The following EPS15 variants were observed in gnomAD, a reference collection of about 807,000 sequenced individuals.
EPS15 encodes the protein epidermal growth factor receptor substrate 15.
Under a neutral mutation model 113.8 loss-of-function variants are expected in EPS15, and 72 were observed. That is an observed-to-expected ratio of 0.63 (90% CI 0.52 to 0.77). The LOEUF (loss-of-function observed/expected upper bound fraction) is 0.77. Ranked by LOEUF, EPS15 falls within the 30% of genes least tolerant of loss-of-function variation. EPS15 has a pLI of 0.00. For synonymous variants in EPS15, 344 were observed against 363.4 expected, an observed-to-expected ratio of 0.95 and a Z score of 0.61; for missense variants, 1,048 against 1,045.8, an observed-to-expected ratio of 1.00 and a Z score of -0.03.
chr1:51,371,009 G>A (rs980140056), intron 21 of EPS15, among the ~76,000 whole-genome samples: 10 of 152,004 alleles, frequency 6.6e-5, no homozygotes, highest in African/African-American at 1.9e-4. Flanking sequence ...TCCACCTCCC[G>A]GGTTAAAGCG....
intron 12 of EPS15, among the ~76,000 whole-genome samples, chr1:51,427,621 G>T (rs1395971949): frequency 6.6e-6 from 1 of 152,160 alleles, no homozygotes. Flanking sequence ...CTGAAGGCAG[G>T]ATGATTAATT....
intron 8 of EPS15, among the ~76,000 whole-genome samples, chr1:51,454,786 T>C (rs1653852874): frequency 6.6e-6 from 1 of 152,190 alleles, no homozygotes; most frequent in Admixed American, 6.6e-5. Context: ...GAGTTAATAA[T>C]GCACCAATGT....
At chr1:51,368,560 T>C (rs1160178261) in intron 21 of EPS15, among the ~76,000 whole-genome samples, 1 of 152,092 alleles carries the variant, frequency 6.6e-6, no homozygotes, top group Non-Finnish European at 1.5e-5. Context: ...GGGTTTCCCT[T>C]CTTTCTGTCC....
intron 1 of EPS15, among the ~76,000 whole-genome samples, chr1:51,489,605 G>C (rs557567323): frequency 2.6e-5 from 4 of 152,072 alleles, no homozygotes; most frequent in Non-Finnish European, 4.4e-5. Flanking sequence ...ATTCCCAGTC[G>C]TCTGTTTCCC....
intron 5 of EPS15, among the ~76,000 whole-genome samples, chr1:51,468,256 A>G (rs1261651506): frequency 6.6e-6 from 1 of 152,126 alleles, no homozygotes; most frequent in East Asian, 1.9e-4. Flanking sequence ...AACCTCACCC[A>G]GCCTATAGTT....
intron 24 of EPS15, among the ~76,000 whole-genome samples, chr1:51,358,425 CAAATACT>C (rs1646292720): frequency 6.6e-6 from 1 of 152,102 alleles, no homozygotes. Flanking sequence ...GCAACCTTGG[CAAATACT>C]AAATTAAAAA....
chr1:51,493,786 AT>A (rs1374352109), intron 1 of EPS15, among the ~76,000 whole-genome samples: 1 of 150,588 alleles, frequency 6.6e-6, no homozygotes, highest in Non-Finnish European at 1.5e-5. Context: ...TAATTTTTGT[AT>A]TTTTTTTAGT....
In EPS15 at chr1:51,440,422, C is replaced by A; in HGVS notation, c.965G>T (p.Gly322Val). 1 of 1,561,884 alleles carries A rather than the reference C, an allele frequency of 6.4e-7. No individual in the cohort carries two copies. Among genetic ancestry groups the A allele is most frequent in the Non-Finnish European group, 8.7e-7 (1 of 1,144,820 alleles). ...AGAGAAATCTGCAACAGGACTTGAT[C>A]CTATGATGTTCTAAAAACAAAAAGT... ...DRASLQKNII[G>V]SSPVADFSAI... Residue 322 changes from glycine to valine, a missense_variant, in exon 12 of 25, where the codon GGA becomes GTA. Gly to Val is a moderately radical substitution (Grantham distance 109, BLOSUM62 -3). Coordinates refer to ENST00000371733, the MANE Select transcript of EPS15 (RefSeq NM_001981.3).
At chr1:51,452,132 A>C (rs1570336803) in intron 8 of EPS15, among the ~76,000 whole-genome samples, 1 of 150,768 alleles carries the variant, frequency 6.6e-6, no homozygotes, top group Admixed American at 6.6e-5. Flanking sequence ...CGATCCACCC[A>C]CCCCAGCCTC....
At chr1:51,386,102 C>A (rs544293767) in intron 21 of EPS15, among the ~76,000 whole-genome samples, 2 of 152,160 alleles carry the variant, frequency 1.3e-5, no homozygotes, top group Non-Finnish European at 2.9e-5. Context: ...TAATGTCTAC[C>A]CACTAGACTC....
intron 24 of EPS15, 137 bp from the exon 25 acceptor site, chr1:51,356,983 T>TC (rs1396733012): frequency 1.4e-5 from 9 of 660,390 alleles, no homozygotes; most frequent in Non-Finnish European, 2.0e-5. Flanking sequence ...CTTTTTTTTT[T>TC]CCCCCTGAAA....
At chr1:51,365,708 G>A (rs1180524793) in intron 22 of EPS15, among the ~76,000 whole-genome samples, 1 of 152,180 alleles carries the variant, frequency 6.6e-6, no homozygotes, top group Non-Finnish European at 1.5e-5. Flanking sequence ...TAAATATGAA[G>A]TTGTTAAGCA....
intron 12 of EPS15, among the ~76,000 whole-genome samples, chr1:51,435,296 C>T (rs1158474732): frequency 2.0e-5 from 3 of 151,968 alleles, no homozygotes; most frequent in Non-Finnish European, 4.4e-5. Flanking sequence ...CAGGTTCAAG[C>T]GATTCTCGTG....
intron 11 of EPS15, among the ~76,000 whole-genome samples, chr1:51,441,679 AGTT>A (rs1453382083): frequency 6.6e-6 from 1 of 152,250 alleles, no homozygotes. Flanking sequence ...AAATTCCACT[AGTT>A]AATTCTCAAA....
At chr1:51,421,925 C>A (rs561375092) in intron 12 of EPS15, 67 bp from the exon 13 acceptor site, 1 of 1,593,892 alleles carries the variant, frequency 6.3e-7, no homozygotes, top group Non-Finnish European at 8.6e-7. Context: ...GGTTATCCAT[C>A]CTCCTAATCC....
chr1:51,508,107 G>A (rs767382780), intron 1 of EPS15, among the ~76,000 whole-genome samples: 4 of 151,450 alleles, frequency 2.6e-5, no homozygotes, highest in Non-Finnish European at 4.4e-5. Flanking sequence ...GCTTGAACCC[G>A]AGAGGTGGAG....
At chr1:51,489,078 T>C (rs1381013137) in intron 1 of EPS15, among the ~76,000 whole-genome samples, 1 of 151,676 alleles carries the variant, frequency 6.6e-6, no homozygotes, top group Non-Finnish European at 1.5e-5. Context: ...CCTACCCCAC[T>C]TGGATTGTTA....
intron 1 of EPS15, among the ~76,000 whole-genome samples, chr1:51,488,282 A>T (rs993557809): frequency 2.0e-5 from 3 of 152,124 alleles, no homozygotes; most frequent in Non-Finnish European, 4.4e-5. Context: ...GACCTTTTAC[A>T]ATTCTGTTAT....
chr1:51,465,880 T>C (rs1654806782), intron 5 of EPS15, among the ~76,000 whole-genome samples: 1 of 151,392 alleles, frequency 6.6e-6, no homozygotes, highest in Admixed American at 6.6e-5. Flanking sequence ...TCTAAAATGT[T>C]GAGTTTAAAA....
Sources: gnomAD v4.1 joint callset for allele counts (sites outside exome capture counted in the v4.1 genomes callset) on GRCh38, gnomAD v4.1.1 for gene constraint, MANE v1.5 for transcripts, NCBI Gene and HGNC (gene_info 2026-07-23, HGNC 2026-07-21) for gene names.